USPL1: variants seen among roughly 807,000 people sequenced by gnomAD.
USPL1 encodes the protein SUMO-specific isopeptidase USPL1.
USPL1 carries 27 observed loss-of-function variants against 51.5 expected under a neutral mutation model. That is an observed-to-expected ratio of 0.52 (90% CI 0.39 to 0.72). The LOEUF is 0.72. USPL1 is among the 30% of genes least tolerant of loss of function. The probability of loss-of-function intolerance (pLI) is 0.00; values close to 1 mark genes in which losing one functional copy is unlikely to be tolerated. For missense variants in USPL1, 1,226 were observed against 1,268.0 expected (o/e 0.97, Z 0.50); for synonymous variants, 451 against 459.6 (o/e 0.98, Z 0.24).
rs543213586 is a variant in USPL1 at position 30,642,663 on chromosome 13, C to G, written c.1018C>G (p.Leu340Val). Residue 340 changes from leucine to valine, a missense_variant, in exon 6 of 9, where the codon CTC (leucine) becomes GTC (valine). Leu to Val is a conservative substitution (Grantham distance 32). Transcript: ENST00000255304. ...AAGCCCTGTGTTTGCATTTCCCCTG[C>G]TCTTAAAACTAGAAACCCACATTGA... ...MESPVFAFPLLLKLETHIEKL... is the reference protein window; with the variant it reads ...MESPVFAFPLVLKLETHIEKL... 1.2e-6 allele frequency: 2 copies of G among 1,613,884 alleles called. No homozygotes were observed. The highest frequency in any genetic ancestry group is 2.7e-5 in the African/African-American group (2 of 75,046).
chr13:30,651,034 A>G (rs1285018284), intron 7 of USPL1, among the ~76,000 whole-genome samples: 1 of 152,024 alleles, frequency 6.6e-6, no homozygotes, highest in African/African-American at 2.4e-5. Flanking sequence ...ATAGTTACAG[A>G]AAGTAGTATG....
chr13:30,639,883 C>T (rs1950924157), intron 5 of USPL1, among the ~76,000 whole-genome samples: 1 of 152,214 alleles, frequency 6.6e-6, no homozygotes, highest in Non-Finnish European at 1.5e-5. Context: ...CACTACCCTT[C>T]TTATCCCTGA....
At chr13:30,631,568 A>T (rs1441141109) in intron 4 of USPL1, 94 bp downstream of exon 4, 1 of 1,276,778 alleles carries the variant, frequency 7.8e-7, no homozygotes, top group East Asian at 2.5e-5. Flanking sequence ...TGGCATGATC[A>T]TGTCTCCTTG....
intron 6 of USPL1, among the ~76,000 whole-genome samples, chr13:30,643,200 CA>C (rs1950971508): frequency 1.3e-5 from 2 of 152,190 alleles, no homozygotes; most frequent in Admixed American, 1.3e-4. Flanking sequence ...GAAGCCTACA[CA>C]TGAGTCTTCT....
intron 7 of USPL1, among the ~76,000 whole-genome samples, chr13:30,650,145 G>A (rs894395644): frequency 3.9e-5 from 6 of 152,120 alleles, no homozygotes; most frequent in African/African-American, 9.7e-5. Flanking sequence ...AAGACATGCT[G>A]GAATTGTAAG....
intron 6 of USPL1, among the ~76,000 whole-genome samples, chr13:30,644,644 G>A (rs1226070244): frequency 6.6e-6 from 1 of 152,186 alleles, no homozygotes; most frequent in Admixed American, 6.5e-5. Flanking sequence ...GCAACAGAGC[G>A]ATATTGGCAT....
intron 1 of USPL1, among the ~76,000 whole-genome samples, chr13:30,618,929 T>C (rs540854729): frequency 4.6e-5 from 7 of 152,276 alleles, no homozygotes; most frequent in African/African-American, 1.7e-4. Context: ...CTCAGACTTG[T>C]AGAGGCATCA....
intron 3 of USPL1, among the ~76,000 whole-genome samples, chr13:30,626,313 AAAATAAATAAATAAAT>A (rs57602031): frequency 4.0e-5 from 6 of 149,178 alleles, no homozygotes; most frequent in African/African-American, 9.9e-5. Context: ...ACTCTATCTC[AAAATAAATAAATAAAT>A]AAATAAATAA....
Position 30,630,975 on chromosome 13 carries a change from A to G in USPL1, c.369A>G (p.Lys123=), listed in dbSNP as rs1014934739. Residue 123 remains lysine (K), a synonymous_variant, in exon 4 of 9, where the codon AAA becomes AAG. Coordinates refer to ENST00000255304, the MANE Select transcript of USPL1 (RefSeq NM_005800.5). The stretch of plus-strand genomic sequence containing the variant: ...ATTCACTTCTTTTAGCAAATTCCAA[A>G]AAGACTAGAAATTATATTGCTATTG... The part of the protein sequence containing the change: ...YKDSLLLANS[K]KTRNYIAIDG... 1.5e-5 allele frequency: 25 copies of G among 1,614,120 alleles called. No homozygotes were observed. The highest frequency in any genetic ancestry group is 2.1e-5 in the Non-Finnish European group (25 of 1,180,036).
Position 30,642,639 on chromosome 13 carries a change from A to G in USPL1, c.994A>G (p.Ser332Gly), listed in dbSNP as rs755060543. 5.0e-6 allele frequency: 8 copies of G among 1,610,816 alleles called. No homozygotes were observed. The highest frequency in any genetic ancestry group is 1.3e-5 in the African/African-American group (1 of 74,738). ...TTTTCTTTTTGAAGGTGATATGGAAAGCCCTGTGTTTGCATTTCCCCTGCT... is the reference window on the plus strand; with the variant it reads ...TTTTCTTTTTGAAGGTGATATGGAAGGCCCTGTGTTTGCATTTCCCCTGCT... ...QLRCTLGDME[S>G]PVFAFPLLLK... is the part of the protein sequence containing the mutation. The change falls in exon 6 of 9, where the codon AGC becomes GGC. Residue 332 changes from serine (S) to glycine (G), a missense_variant. By Grantham distance (56) the Ser-to-Gly change is moderately conservative. Transcript: ENST00000255304.
intron 8 of USPL1, 110 bp downstream of exon 8, chr13:30,653,415 T>A (rs1951117611): frequency 4.5e-6 from 5 of 1,107,674 alleles, no homozygotes; most frequent in Non-Finnish European, 6.3e-6. Flanking sequence ...TTGTCCTGAC[T>A]CTTTCTCTCT....
intron 7 of USPL1, among the ~76,000 whole-genome samples, chr13:30,650,574 CAAAA>C (rs34074092): frequency 4.1e-5 from 5 of 123,206 alleles, no homozygotes; most frequent in South Asian, 2.6e-4. Context: ...GAGACTGTCT[CAAAA>C]AAAAAAAAAA....
Position 30,657,756 on chromosome 13 carries a change from T to C in USPL1, c.1679T>C (p.Leu560Pro), listed in dbSNP as rs1457560314. 1.2e-6 allele frequency: 2 copies of C among 1,614,068 alleles called. No homozygotes were observed. The highest frequency in any genetic ancestry group is 1.7e-5 in the Admixed American group (1 of 60,010). ...PKDISVAPRT[L>P]SQDTAVTHGD... ...GATATATCAGTTGCCCCTCGTACTC[T>C]TTCACAGGACACAGCTGTAACTCAT... The change falls in exon 9 of 9, where the codon CTT becomes CCT. Residue 560 changes from leucine to proline, a missense_variant. Coordinates refer to ENST00000255304, the MANE Select transcript of USPL1 (RefSeq NM_005800.5).
chr13:30,639,987 T>A (rs1950925607), intron 5 of USPL1, among the ~76,000 whole-genome samples: 1 of 152,210 alleles, frequency 6.6e-6, no homozygotes, highest in Non-Finnish European at 1.5e-5. Flanking sequence ...ATTATTGTTT[T>A]GTGTAATCAT....
intron 6 of USPL1, among the ~76,000 whole-genome samples, chr13:30,644,408 G>C (rs1308875399): frequency 2.8e-5 from 3 of 106,040 alleles, no homozygotes; most frequent in African/African-American, 2.0e-4. Context: ...AGGCAACAAA[G>C]GTTTTGTTTT....
chr13:30,645,256 C>T (rs910171896), intron 6 of USPL1, among the ~76,000 whole-genome samples: 3 of 152,144 alleles, frequency 2.0e-5, no homozygotes, highest in Non-Finnish European at 4.4e-5. Context: ...TGACAGTTTT[C>T]GGTTGAGTGT....
rs574188259 is a variant in USPL1, at chr13:30,618,416, G to T, written c.-69+360G>T. On this transcript the variant is annotated intron_variant, in intron 1 of 8. Transcript: ENST00000255304. Reference sequence around the variant, plus strand: ...TGGGTTTGGTACCTGACAGGGCTGGGTGCAGAAAGCTGACCCTGTTCCTCG... The same window carrying T: ...TGGGTTTGGTACCTGACAGGGCTGGTTGCAGAAAGCTGACCCTGTTCCTCG... Among the ~76,000 whole-genome samples, 107 of 151,986 alleles carry T rather than the reference G, an allele frequency of 7.0e-4. 2 individuals are homozygous for T. Among genetic ancestry groups the T allele is most frequent in the African/African-American group, 2.5e-3 (102 of 41,436 alleles).
At chr13:30,625,444 G>GT (rs926283215) in intron 3 of USPL1, among the ~76,000 whole-genome samples, 2,728 of 118,862 alleles carry the variant, frequency 0.023, 44 homozygotes, top group South Asian at 0.037. Flanking sequence ...TTTGTTTTTT[G>GT]TTTTTTTTTT....
intron 4 of USPL1, among the ~76,000 whole-genome samples, chr13:30,637,321 C>G (rs1005958416): frequency 6.6e-6 from 1 of 152,094 alleles, no homozygotes; most frequent in African/African-American, 2.4e-5. Context: ...TATTAAGACT[C>G]CTTATAAATT....
Sources: allele counts gnomAD v4.1 joint callset (sites outside exome capture counted in the v4.1 genomes callset), GRCh38; gene constraint gnomAD v4.1.1; transcripts MANE v1.5; gene names NCBI Gene and HGNC (gene_info 2026-07-23, HGNC 2026-07-21).